The following DNAJC6 variants were observed in gnomAD, a reference collection of about 807,000 sequenced individuals.
DNAJC6 encodes DnaJ heat shock protein family (Hsp40) member C6.
A neutral mutation model predicts 110.0 loss-of-function variants in DNAJC6; 34 were observed. The ratio of observed to expected loss-of-function variants is 0.31; its 90% CI spans 0.24 to 0.41. DNAJC6 has a LOEUF of 0.41. Among genes scored for constraint, DNAJC6 ranks in the 10% least tolerant of loss-of-function variants. The pLI is 1.00. For synonymous variants in DNAJC6, 406 were observed against 437.2 expected, an observed-to-expected ratio of 0.93 and a Z score of 0.89; for missense variants, 1,031 against 1,207.8, an observed-to-expected ratio of 0.85 and a Z score of 2.17.
chr1:65,368,619 TCTTCTC>T lies in DNAJC6; in HGVS notation c.543+2432_543+2437del, dbSNP rs1170348154. Among the ~76,000 whole-genome samples, 750 of 146,966 alleles carry T rather than the reference TCTTCTC, an allele frequency of 5.1e-3. 5 individuals carry two copies. Among genetic ancestry groups the T allele is most frequent in the African/African-American group, 0.019 (715 of 37,796 alleles). Reference sequence around the variant, plus strand: ...TTCTTCTTCTTCTCCTCCTTCTCCTTCTTCTCCTTCTCCTCCTCCTCATTCTTCTTC... The same window carrying T: ...TTCTTCTTCTTCTCCTCCTTCTCCTTCTTCTCCTCCTCCTCATTCTTCTTC... On this transcript the variant is annotated intron_variant, in intron 4 of 18. Transcript: ENST00000371069.
At chr1:65,337,476 T>A (rs1425468363) in intron 1 of DNAJC6, among the ~76,000 whole-genome samples, 1 of 152,236 alleles carries the variant, frequency 6.6e-6, no homozygotes, top group South Asian at 2.1e-4. Flanking sequence ...GAGGGTGACT[T>A]ATGAAGCTTC....
chr1:65,314,742 C>A (rs961256256), intron 1 of DNAJC6, among the ~76,000 whole-genome samples: 1 of 152,248 alleles, frequency 6.6e-6, no homozygotes, highest in Non-Finnish European at 1.5e-5. Flanking sequence ...CCTGCCTCAG[C>A]CTCCCAAAGT....
At chr1:65,324,867 C>G (rs1645228299) in intron 1 of DNAJC6, among the ~76,000 whole-genome samples, 1 of 152,158 alleles carries the variant, frequency 6.6e-6, no homozygotes, top group Admixed American at 6.5e-5. Context: ...TACAAAACAG[C>G]TCCTCACAAC....
chr1:65,401,610 C>T, intron 14 of DNAJC6, 151 bp from the exon 15 acceptor site: 1 of 1,065,658 alleles, frequency 9.4e-7, no homozygotes, highest in Non-Finnish European at 1.3e-6. Context: ...TCACCCAGGT[C>T]AGGGAAACAG....
At chr1:65,295,321 C>G (rs1249359267) in intron 1 of DNAJC6, among the ~76,000 whole-genome samples, 5 of 152,206 alleles carry the variant, frequency 3.3e-5, no homozygotes, top group African/African-American at 1.2e-4. Flanking sequence ...TCTCTCAGAT[C>G]ACTTGTCTCC....
chr1:65,361,874 G>A (rs548527229), intron 1 of DNAJC6, among the ~76,000 whole-genome samples: 210 of 152,234 alleles, frequency 1.4e-3, no homozygotes, highest in Non-Finnish European at 2.2e-3. Flanking sequence ...AATAGCCTAC[G>A]TGTCCATCAG....
At chr1:65,362,881 T>G (rs1270767280) in intron 1 of DNAJC6, among the ~76,000 whole-genome samples, 1 of 152,252 alleles carries the variant, frequency 6.6e-6, no homozygotes. Context: ...CGGCTTCTAT[T>G]AACAAACAGG....
Position 65,412,915 on chromosome 1 carries a change from T to C in DNAJC6, c.2812-9T>C. On this transcript the variant is annotated splice_polypyrimidine_tract_variant and intron_variant, in intron 18 of 18. Coordinates refer to ENST00000371069, the MANE Select transcript of DNAJC6 (RefSeq NM_001256864.2). ...TGGTATCTAATGTGTGTTTTTGTTT[T>C]CTCTACAGGCTACTGGGCAACCCTA... 1 of 1,607,992 alleles carries C rather than the reference T, an allele frequency of 6.2e-7. No homozygotes were observed. Among genetic ancestry groups the C allele is most frequent in the Non-Finnish European group, 8.5e-7 (1 of 1,178,468 alleles).
In DNAJC6 at chr1:65,384,206, C is replaced by T. The variant is rs765038120; in HGVS notation, c.680C>T (p.Ala227Val). 8.5e-6 allele frequency: 13 copies of T among 1,525,656 alleles called. No homozygotes were observed. Among genetic ancestry groups the T allele is most frequent in the South Asian group, 1.3e-5 (1 of 76,374 alleles). The allele number at this position is 1,525,656 out of a possible 1,614,324, so 94.5% of individuals were successfully genotyped here. Residue 227 changes from alanine to valine, a missense_variant, in exon 6 of 19, where the codon GCA (alanine) becomes GTA (valine). By Grantham distance (64) the Ala-to-Val change is moderately conservative. Coordinates refer to ENST00000371069, the MANE Select transcript of DNAJC6 (RefSeq NM_001256864.2). ...TTTCTTTGACAGGATGGACGGGCGG[C>T]ATCATCAATTCTGGTTGGTGCTATG... is the stretch of plus-strand genomic sequence containing the variant. ...CVVHCLDGRA[A>V]SSILVGAMFI...
At position 65,309,757 on chromosome 1, in the gene DNAJC6, C is replaced by G; in HGVS notation, c.12C>G (p.Leu4=). 6.5e-7 allele frequency: 1 copy of G among 1,547,392 alleles called. No homozygotes were observed. Among genetic ancestry groups the G allele is most frequent in the Non-Finnish European group, 8.7e-7 (1 of 1,145,610 alleles). MSL[L]GSYRKKTSND... is the part of the protein sequence containing the mutation. ...CTCCGGGCTTGCCCATGAGCCTCCT[C>G]GGGAGCTACCGGAAAAAGACCAGCA... The change falls in exon 1 of 19, where the codon CTC becomes CTG. Residue 4 remains leucine (L), a synonymous_variant. Coordinates refer to ENST00000371069, the MANE Select transcript of DNAJC6 (RefSeq NM_001256864.2).
upstream of DNAJC6, among the ~76,000 whole-genome samples, chr1:65,304,776 C>T (rs554249093): frequency 6.6e-6 from 1 of 152,282 alleles, no homozygotes; most frequent in Admixed American, 6.5e-5. Flanking sequence ...CAAATGCCTG[C>T]AAGGGCTAAC....
chr1:65,303,434 ACTTT>A (rs1645008282), intron 1 of DNAJC6, among the ~76,000 whole-genome samples: 2 of 152,164 alleles, frequency 1.3e-5, no homozygotes, highest in African/African-American at 2.4e-5. Context: ...AGTATGTCAT[ACTTT>A]CTTTAGTAGC....
intron 4 of DNAJC6, among the ~76,000 whole-genome samples, chr1:65,368,538 T>A (rs1198829542): frequency 6.7e-6 from 1 of 148,844 alleles, no homozygotes; most frequent in Non-Finnish European, 1.5e-5. Flanking sequence ...TTCCTTCCCT[T>A]CTCCTTCCCT....
Position 65,392,526 on chromosome 1 carries a change from A to G in DNAJC6, c.1564A>G (p.Ser522Gly). Residue 522 changes from serine (S) to glycine (G), a missense_variant, in exon 12 of 19, where the codon AGT (serine) becomes GGT (glycine). By Grantham distance (56) the Ser-to-Gly change is moderately conservative. Transcript: ENST00000371069. ...QSDDELLTLS[S>G]PHGNANGDKP... ...AGATGATGAACTTCTGACACTTTCC[A>G]GTCCGCATGGCAATGCCAATGGTGA... is the stretch of plus-strand genomic sequence containing the variant. 6.2e-7 allele frequency: 1 copy of G among 1,614,128 alleles called. No individual in the cohort carries two copies. Among genetic ancestry groups the G allele is most frequent in the South Asian group, 1.1e-5 (1 of 91,072 alleles).
chr1:65,368,541 C>A, intron 4 of DNAJC6, among the ~76,000 whole-genome samples: 1 of 150,412 alleles, frequency 6.6e-6, no homozygotes, highest in South Asian at 2.1e-4. Context: ...CTTCCCTTCT[C>A]CTTCCCTTCT....
chr1:65,389,106 G>T, intron 9 of DNAJC6, 150 bp from the exon 10 acceptor site: 1 of 704,906 alleles, frequency 1.4e-6, no homozygotes. Context: ...GCTCAGAAAA[G>T]TAAAGTAACT....
intron 1 of DNAJC6, among the ~76,000 whole-genome samples, chr1:65,277,151 T>C (rs1449909506): frequency 6.6e-6 from 1 of 152,198 alleles, no homozygotes; most frequent in Non-Finnish European, 1.5e-5. Flanking sequence ...TTTTTGTTTG[T>C]TTTAAGTGGA....
At chr1:65,297,635 G>C (rs950927175) in intron 1 of DNAJC6, among the ~76,000 whole-genome samples, 7 of 152,180 alleles carry the variant, frequency 4.6e-5, no homozygotes, top group African/African-American at 7.2e-5. Context: ...GCTGAACTAA[G>C]TTTGGGAGGA....
chr1:65,370,773 T>A (rs1645697830), intron 4 of DNAJC6, among the ~76,000 whole-genome samples: 1 of 152,198 alleles, frequency 6.6e-6, no homozygotes, highest in African/African-American at 2.4e-5. Flanking sequence ...ACAATTTGAT[T>A]TTTGGAAAAT....
Sources: allele counts gnomAD v4.1 joint callset (sites outside exome capture counted in the v4.1 genomes callset), GRCh38; gene constraint gnomAD v4.1.1; transcripts MANE v1.5; gene names NCBI Gene and HGNC (gene_info 2026-07-23, HGNC 2026-07-21).